FBH1: variants seen among roughly 807,000 people sequenced by gnomAD.
FBH1 encodes F-box DNA helicase 1.
In FBH1, 43 loss-of-function variants were observed where a neutral mutation model predicts 115.5. The ratio of observed to expected loss-of-function variants is 0.37; its 90% CI spans 0.29 to 0.48. The LOEUF is 0.48. Among genes scored for constraint, FBH1 ranks in the 20% least tolerant of loss-of-function variants. FBH1 has a pLI of 0.99. For missense variants in FBH1, 1,001 were observed against 1,337.3 expected, an observed-to-expected ratio of 0.75 and a Z score of 3.92; for synonymous variants, 524 against 507.8, an observed-to-expected ratio of 1.03 and a Z score of -0.43.
intron 9 of FBH1, 68 bp from the exon 10 acceptor site, chr10:5,916,166 T>C (rs777574248): frequency 2.0e-5 from 27 of 1,358,158 alleles, no homozygotes. Context: ...TTAGAGAGAA[T>C]GGAGGGGACG....
chr10:5,926,107 A>C (rs2942347), intron 18 of FBH1, among the ~76,000 whole-genome samples: 1 of 124,734 alleles, frequency 8.0e-6, no homozygotes, highest in Admixed American at 9.3e-5. Context: ...TATTATTCTT[A>C]TTCTTATTCT....
In FBH1 at chr10:5,910,410, T is replaced by A. The variant is rs778474232; in HGVS notation, c.1021-528T>A. On this transcript the variant is annotated intron_variant, in intron 5 of 20. Coordinates refer to ENST00000362091, the MANE Select transcript of FBH1 (RefSeq NM_178150.3). This position sits in a 1 kb window ranked among gnomAD's most constrained non-coding sequence, Gnocchi z 4.8. ...AAACTTTCCATAATTTCATATTTAT[T>A]TAACTTACAATGAACAGTTATTACT... 4.1e-4 allele frequency among the ~76,000 whole-genome samples: 63 copies of A among 152,390 alleles called. No homozygotes were observed. The highest frequency in any genetic ancestry group is 6.8e-4 in the Non-Finnish European group (46 of 68,042).
At chr10:5,891,023 TG>T in intron 1 of FBH1, 1 of 309,524 alleles carries the variant, frequency 3.2e-6, no homozygotes, top group Non-Finnish European at 4.7e-6. Context: ...TTGCAGTCTG[TG>T]GTCCGAAGAC....
At chr10:5,908,884 C>T in intron 3 of FBH1, 41 bp from the exon 4 acceptor site, 1 of 1,609,912 alleles carries the variant, frequency 6.2e-7, no homozygotes, top group African/African-American at 1.3e-5. Flanking sequence ...TTCTAATGGC[C>T]CTTTGCCTCA....
At chr10:5,891,239 T>A in intron 1 of FBH1, 1 of 918,362 alleles carries the variant, frequency 1.1e-6, no homozygotes, top group South Asian at 5.0e-5. Context: ...TGAAGATAAG[T>A]CCGTTTTACT....
intron 3 of FBH1, among the ~76,000 whole-genome samples, chr10:5,907,105 G>T (rs2131927934): frequency 6.6e-6 from 1 of 152,268 alleles, no homozygotes; most frequent in South Asian, 2.1e-4. Context: ...TGGGATTACA[G>T]GCGTGCGCCA....
intron 10 of FBH1, among the ~76,000 whole-genome samples, chr10:5,916,805 G>A (rs1831993046): frequency 6.6e-6 from 1 of 152,216 alleles, no homozygotes; most frequent in Non-Finnish European, 1.5e-5. Context: ...TTGAAGGTGG[G>A]AGGGTGAGGC....
At position 5,910,801 on chromosome 10, in the gene FBH1, A is replaced by G; in HGVS notation, c.1021-137A>G. 1 of 683,624 alleles carries G rather than the reference A, an allele frequency of 1.5e-6. No individual in the cohort carries two copies. 42.3% of individuals were successfully genotyped at this position (683,624 alleles called of 1,614,324 possible). A position where few individuals can be genotyped will look rare whatever the true frequency, so the allele number is the denominator to read the frequency against. On this transcript the variant is annotated intron_variant, in intron 5 of 20. Coordinates refer to ENST00000362091, the MANE Select transcript of FBH1 (RefSeq NM_178150.3). The surrounding 1 kb of genome is among the most constrained non-coding windows in gnomAD (Gnocchi z 4.8). ...CCCCTGTTTCCCAAATACAACTTGGAAAGTTTGGATTCAGTCCAGACAGTC... is the reference window on the plus strand; with the variant it reads ...CCCCTGTTTCCCAAATACAACTTGGGAAGTTTGGATTCAGTCCAGACAGTC...
Position 5,918,290 on chromosome 10 carries a change from T to C in FBH1, c.1964-52T>C, listed in dbSNP as rs1832098152. ...AGTGTTTTTGTCCTTTTCTTTTTGC[T>C]GCCTGGGGTGGAGGCCTCAAGGTTT... On this transcript the variant is annotated intron_variant, in intron 12 of 20. Coordinates refer to ENST00000362091, the MANE Select transcript of FBH1 (RefSeq NM_178150.3). The surrounding 1 kb of genome is among the most constrained non-coding windows in gnomAD (Gnocchi z 4.0). 6.3e-7 allele frequency: 1 copy of C among 1,590,244 alleles called. No individual in the cohort carries two copies. Among genetic ancestry groups the C allele is most frequent in the East Asian group, 2.3e-5 (1 of 44,334 alleles).
intron 19 of FBH1, among the ~76,000 whole-genome samples, chr10:5,928,072 CAAAAAAAAA>C (rs1010342333): frequency 8.1e-5 from 2 of 24,752 alleles, no homozygotes; most frequent in South Asian, 1.8e-3. Flanking sequence ...GACTCCATCT[CAAAAAAAAA>C]AAAAAAAAAA....
At chr10:5,920,273 A>G (rs994697401) in intron 13 of FBH1, among the ~76,000 whole-genome samples, 1 of 152,212 alleles carries the variant, frequency 6.6e-6, no homozygotes, top group Admixed American at 6.5e-5. Context: ...GTGAAGCGCC[A>G]TTTTCATCAC....
chr10:5,908,905 T>C lies in FBH1; in HGVS notation c.754-20T>C. ...TGGCCCTTTGCCTCATGTTATTTTG[T>C]TTGTTTTTTAACTGCATAGTTCATT... is the stretch of plus-strand genomic sequence containing the variant. On this transcript the variant is annotated intron_variant, in intron 3 of 20. Transcript: ENST00000362091. 1.2e-6 allele frequency: 2 copies of C among 1,613,186 alleles called. No individual in the cohort carries two copies. Among genetic ancestry groups the C allele is most frequent in the Non-Finnish European group, 1.7e-6 (2 of 1,179,826 alleles).
In FBH1 at chr10:5,924,865, C is replaced by T. The variant is rs1179212833; in HGVS notation, c.2596+357C>T. ...ACAGGCGTGAGCCACTGCGCCCAGC[C>T]TCTTCTGCTGTTTCTTCCCTGTGTG... On this transcript the variant is annotated intron_variant, in intron 17 of 20. Transcript: ENST00000362091. This position sits in a 1 kb window ranked among gnomAD's most constrained non-coding sequence, Gnocchi z 6.2. 1 of 402,270 alleles carries T rather than the reference C, an allele frequency of 2.5e-6. No individual in the cohort carries two copies. The highest frequency in any genetic ancestry group is 4.9e-6 in the Non-Finnish European group (1 of 203,378). The allele number at this position is 402,270 out of a possible 1,614,324, so 24.9% of individuals were successfully genotyped here.
Position 5,924,908 on chromosome 10 carries a change from G to A in FBH1, c.2596+400G>A. The A allele has an allele frequency of 2.7e-6, 1 of 369,476 alleles. No homozygotes were observed. The highest frequency in any genetic ancestry group is 2.1e-5 in the South Asian group (1 of 48,266). The allele number at this position is 369,476 out of a possible 1,614,324, so 22.9% of individuals were successfully genotyped here. A position where few individuals can be genotyped will look rare whatever the true frequency, so the allele number is the denominator to read the frequency against. On this transcript the variant is annotated intron_variant, in intron 17 of 20. Coordinates refer to ENST00000362091, the MANE Select transcript of FBH1 (RefSeq NM_178150.3). The surrounding 1 kb of genome is among the most constrained non-coding windows in gnomAD (Gnocchi z 6.2). ...CCTGTGTGGAATATCTTTGAGCAAG[G>A]ATGGCTTTATTGCTTAAGGGAAAGG...
chr10:5,889,996 G>C, upstream of FBH1: 1 of 233,832 alleles, frequency 4.3e-6, no homozygotes, highest in Non-Finnish European at 8.3e-6. Context: ...AGGAACTCTG[G>C]GAAAGTTTCC....
At chr10:5,916,171 G>A in intron 9 of FBH1, 63 bp from the exon 10 acceptor site, 3 of 1,391,258 alleles carry the variant, frequency 2.2e-6, no homozygotes, top group East Asian at 2.3e-5. Flanking sequence ...GAGAATGGAG[G>A]GGACGTTCAA....
intron 1 of FBH1, among the ~76,000 whole-genome samples, chr10:5,899,029 A>C (rs1410867872): frequency 6.6e-6 from 1 of 152,168 alleles, no homozygotes; most frequent in Non-Finnish European, 1.5e-5. Context: ...TCCAGGGTTC[A>C]CCCTGCATGT....
In FBH1 at chr10:5,921,087, A is replaced by G. The variant is rs1832284647; in HGVS notation, c.2101-171A>G. The stretch of plus-strand genomic sequence containing the variant: ...GTGTTGAGAATAATGGAAAATAAAG[A>G]CTGCTGAGTTGTGAAGGACCTTGAA... On this transcript the variant is annotated intron_variant, in intron 13 of 20. Coordinates refer to ENST00000362091, the MANE Select transcript of FBH1 (RefSeq NM_178150.3). This position sits in a 1 kb window ranked among gnomAD's most constrained non-coding sequence, Gnocchi z 6.4. Among the ~76,000 whole-genome samples, 1 of 152,208 alleles carries G rather than the reference A, an allele frequency of 6.6e-6. No homozygotes were observed. The highest frequency in any genetic ancestry group is 6.5e-5 in the Admixed American group (1 of 15,286).
rs1831439403 is a variant in FBH1, at chr10:5,909,657, G to T, written c.1020+363G>T. Among the ~76,000 whole-genome samples, 1 of 152,180 alleles carries T rather than the reference G, an allele frequency of 6.6e-6. No individual in the cohort carries two copies. Among genetic ancestry groups the T allele is most frequent in the South Asian group, 2.1e-4 (1 of 4,834 alleles). The stretch of plus-strand genomic sequence containing the variant: ...TCAACAAGTTTGCTTATTTGAAAGG[G>T]ACAGAAAAATTAGGGGTCTTGCTAT... On this transcript the variant is annotated intron_variant, in intron 5 of 20. Transcript: ENST00000362091. The surrounding 1 kb of genome is among the most constrained non-coding windows in gnomAD (Gnocchi z 4.4).
Sources: allele counts gnomAD v4.1 joint callset (sites outside exome capture counted in the v4.1 genomes callset), GRCh38; gene constraint gnomAD v4.1.1; non-coding constraint Gnocchi (gnomAD v3.1); transcripts MANE v1.5; gene names NCBI Gene and HGNC (gene_info 2026-07-23, HGNC 2026-07-21).